NBEA: variants seen among roughly 807,000 people sequenced by gnomAD.
NBEA encodes the protein lysosomal-trafficking regulator 2.
In NBEA, 44 loss-of-function variants were observed where a neutral mutation model predicts 343.4. The ratio of observed to expected loss-of-function variants is 0.13; its 90% CI spans 0.10 to 0.16. The LOEUF (loss-of-function observed/expected upper bound fraction) is 0.16, where lower values mean the gene tolerates loss of function less well. Ranked by LOEUF, NBEA falls within the 10% of genes least tolerant of loss-of-function variation. The pLI, the probability that NBEA is intolerant of heterozygous loss-of-function variation, is 1.00. For synonymous variants in NBEA, 1,175 were observed against 1,238.7 expected (o/e 0.95, Z 1.08); for missense variants, 2,555 against 3,631.3 (o/e 0.70, Z 7.62).
intron 39 of NBEA, among the ~76,000 whole-genome samples, chr13:35,441,418 T>A (rs551374363): frequency 6.6e-6 from 1 of 152,276 alleles, no homozygotes; most frequent in South Asian, 2.1e-4. Context: ...AAAACCACCA[T>A]TCATTTTTGG....
intron 38 of NBEA, among the ~76,000 whole-genome samples, chr13:35,411,083 T>G (rs548127195): frequency 6.6e-6 from 1 of 152,252 alleles, no homozygotes; most frequent in Non-Finnish European, 1.5e-5. Flanking sequence ...CTGGACCACT[T>G]CTACCTCTTG....
intron 41 of NBEA, among the ~76,000 whole-genome samples, chr13:35,535,611 C>A (rs1021766215): frequency 6.6e-6 from 1 of 152,114 alleles, no homozygotes; most frequent in Non-Finnish European, 1.5e-5. Flanking sequence ...TTTCTGCTAA[C>A]CTCCCCACTT....
At chr13:35,344,959 A>AT (rs1213219650) in intron 36 of NBEA, among the ~76,000 whole-genome samples, 1 of 152,116 alleles carries the variant, frequency 6.6e-6, no homozygotes. Context: ...TCCCTTATGA[A>AT]TATAGATCTG....
intron 32 of NBEA, among the ~76,000 whole-genome samples, chr13:35,210,564 G>A (rs987859276): frequency 3.9e-5 from 6 of 152,098 alleles, no homozygotes; most frequent in African/African-American, 1.4e-4. Context: ...ATTATTTTAA[G>A]ACCAGGTACT....
chr13:35,068,326 C>A (rs1205033755), intron 8 of NBEA, among the ~76,000 whole-genome samples: 1 of 152,028 alleles, frequency 6.6e-6, no homozygotes, highest in Non-Finnish European at 1.5e-5. Context: ...GATTTTAAAT[C>A]TTTTAAGAGA....
intron 1 of NBEA, among the ~76,000 whole-genome samples, chr13:34,994,380 TA>T (rs967312741): frequency 2.6e-5 from 4 of 151,936 alleles, no homozygotes; most frequent in Admixed American, 2.0e-4. Context: ...TAGCTTTAAA[TA>T]GGGGAGATTT....
chr13:35,086,490 A>C (rs1391629193), intron 10 of NBEA, among the ~76,000 whole-genome samples: 2 of 151,944 alleles, frequency 1.3e-5, no homozygotes, highest in East Asian at 1.9e-4. Context: ...TCTTTTTACT[A>C]TCTGCCTCCA....
At chr13:35,419,359 C>T (rs942929675) in intron 38 of NBEA, among the ~76,000 whole-genome samples, 3 of 152,020 alleles carry the variant, frequency 2.0e-5, no homozygotes, top group Admixed American at 1.3e-4. Context: ...AACAGGCTCC[C>T]TTGAGCCTAT....
intron 34 of NBEA, among the ~76,000 whole-genome samples, chr13:35,287,545 A>G (rs1232047721): frequency 2.0e-5 from 3 of 152,034 alleles, no homozygotes; most frequent in Admixed American, 6.6e-5. Context: ...CCCAAGCTAT[A>G]AAGGTTTTTT....
intron 47 of NBEA, among the ~76,000 whole-genome samples, chr13:35,603,864 G>A (rs1455745227): frequency 6.6e-6 from 1 of 152,204 alleles, no homozygotes; most frequent in Non-Finnish European, 1.5e-5. Context: ...CAGGTCATAT[G>A]CAAATAGCAA....
intron 33 of NBEA, among the ~76,000 whole-genome samples, chr13:35,228,908 T>G (rs1039115514): frequency 3.3e-5 from 5 of 152,088 alleles, no homozygotes; most frequent in African/African-American, 1.2e-4. Context: ...AAATATTAAG[T>G]TATTAGAGTA....
At chr13:35,389,802 A>G (rs1260143707) in intron 38 of NBEA, among the ~76,000 whole-genome samples, 1 of 152,148 alleles carries the variant, frequency 6.6e-6, no homozygotes, top group Non-Finnish European at 1.5e-5. Flanking sequence ...AGAAAGGAGC[A>G]CAGATAAAGT....
chr13:35,379,317 T>C (rs1440754016), intron 38 of NBEA, among the ~76,000 whole-genome samples: 3 of 152,180 alleles, frequency 2.0e-5, no homozygotes, highest in African/African-American at 7.2e-5. Context: ...TGAGTGCCTT[T>C]CATCATGGCC....
chr13:35,106,502 C>G (rs911535191), intron 11 of NBEA, among the ~76,000 whole-genome samples: 2 of 151,698 alleles, frequency 1.3e-5, no homozygotes, highest in African/African-American at 4.8e-5. Flanking sequence ...AATATCCTTT[C>G]TTATATTAGG....
intron 17 of NBEA, among the ~76,000 whole-genome samples, chr13:35,140,349 C>T (rs571812457): frequency 6.6e-6 from 1 of 152,128 alleles, no homozygotes; most frequent in South Asian, 2.1e-4. Flanking sequence ...TTTACCAGCT[C>T]CTTGTAGCAG....
chr13:35,342,473 A>G (rs958514760), intron 36 of NBEA, among the ~76,000 whole-genome samples: 1 of 152,102 alleles, frequency 6.6e-6, no homozygotes, highest in Non-Finnish European at 1.5e-5. Flanking sequence ...CTTACAATGT[A>G]TGCATGTCAG....
At chr13:35,574,554 C>G (rs2080635882) in intron 45 of NBEA, among the ~76,000 whole-genome samples, 1 of 151,946 alleles carries the variant, frequency 6.6e-6, no homozygotes, top group South Asian at 2.1e-4. Flanking sequence ...TTCCACACCT[C>G]CAAAGTTTTC....
At chr13:35,599,968 A>G (rs557806744) in intron 47 of NBEA, among the ~76,000 whole-genome samples, 1 of 152,352 alleles carries the variant, frequency 6.6e-6, no homozygotes, top group Non-Finnish European at 1.5e-5. Context: ...TGTCAACTTT[A>G]AATAACCATA....
chr13:35,386,830 A>G lies in NBEA; in HGVS notation c.6179+34507A>G, dbSNP rs145326807. Among the ~76,000 whole-genome samples, 239 of 152,284 alleles carry G rather than the reference A, an allele frequency of 1.6e-3. 1 individual carries two copies. The East Asian group carries it at 0.016, about 10-fold the overall frequency. On this transcript the variant is annotated intron_variant, in intron 38 of 58. Coordinates refer to ENST00000379939, the MANE Select transcript of NBEA (RefSeq NM_001385012.1). ...GCCCTAAGCTTATAGCAGAAGATCA[A>G]TGTTTTAAAAATTGAAACAGTATAG...
Sources: allele counts gnomAD v4.1 joint callset (sites outside exome capture counted in the v4.1 genomes callset), GRCh38; gene constraint gnomAD v4.1.1; transcripts MANE v1.5; gene names NCBI Gene and HGNC (gene_info 2026-07-23, HGNC 2026-07-21).